PEBP4: variants seen among roughly 807,000 people sequenced by gnomAD.
PEBP4 encodes phosphatidylethanolamine binding protein 4, also known as phosphatidylethanolamine-binding protein 4.
Under a neutral mutation model 23.9 loss-of-function variants are expected in PEBP4, and 22 were observed. The ratio of observed to expected loss-of-function variants is 0.92; its 90% CI spans 0.66 to 1.31. The LOEUF is 1.31. Ranked by LOEUF, PEBP4 falls within the 40% of genes most tolerant of loss-of-function variation. The pLI is 0.00. For synonymous variants in PEBP4, 112 were observed against 99.3 expected (o/e 1.13, Z -0.76); for missense variants, 324 against 281.7 (o/e 1.15, Z -1.07).
intron 3 of PEBP4, among the ~76,000 whole-genome samples, chr8:22,879,056 A>G (rs1401446183): frequency 2.0e-5 from 3 of 152,228 alleles, no homozygotes; most frequent in African/African-American, 7.2e-5. Context: ...CCCATGGGAA[A>G]CATTTTACTA....
intron 3 of PEBP4, among the ~76,000 whole-genome samples, chr8:22,848,827 A>G (rs1428191185): frequency 6.6e-6 from 1 of 152,198 alleles, no homozygotes. Context: ...CTGCTGAGGG[A>G]GCGGAATTGT....
chr8:22,854,332 T>C (rs1341156954), intron 3 of PEBP4, among the ~76,000 whole-genome samples: 1 of 152,196 alleles, frequency 6.6e-6, no homozygotes, highest in Admixed American at 6.5e-5. Context: ...CACCAAAATA[T>C]GTATATTCAC....
chr8:22,735,507 T>C (rs997465109), intron 4 of PEBP4, among the ~76,000 whole-genome samples: 1 of 152,178 alleles, frequency 6.6e-6, no homozygotes, highest in Non-Finnish European at 1.5e-5. Flanking sequence ...TCTTCAAGAA[T>C]CTCAAGAGAA....
intron 4 of PEBP4, among the ~76,000 whole-genome samples, chr8:22,770,223 C>G (rs1310371421): frequency 2.0e-5 from 3 of 152,212 alleles, no homozygotes; most frequent in Non-Finnish European, 4.4e-5. Flanking sequence ...GGGACTGGGT[C>G]AGTGGCTTGG....
intron 3 of PEBP4, among the ~76,000 whole-genome samples, chr8:22,819,920 A>G (rs1806822400): frequency 6.6e-6 from 1 of 152,158 alleles, no homozygotes; most frequent in East Asian, 1.9e-4. Flanking sequence ...ATATTTTTTA[A>G]AGAGGGGGAT....
intron 4 of PEBP4, among the ~76,000 whole-genome samples, chr8:22,774,525 G>C (rs1805777663): frequency 6.6e-6 from 1 of 152,214 alleles, no homozygotes; most frequent in Admixed American, 6.5e-5. Flanking sequence ...GCCTGTGCCA[G>C]GCTCAATTTT....
intron 3 of PEBP4, among the ~76,000 whole-genome samples, chr8:22,836,803 A>C (rs576279195): frequency 5.3e-5 from 8 of 152,336 alleles, no homozygotes; most frequent in South Asian, 2.1e-4. Flanking sequence ...AGGCAGCAAA[A>C]ATCACTACAT....
rs139817835 is a variant in PEBP4 at position 22,799,235 on chromosome 8, C to T, written c.357+18402G>A. On this transcript the variant is annotated intron_variant, in intron 4 of 6. Transcript: ENST00000256404. Reference sequence around the variant, plus strand: ...ACATCTCTCACTTTCTGTCATTGTGCGGTAGCTTCCTGCTCTGTTTTCCTT... The same window carrying T: ...ACATCTCTCACTTTCTGTCATTGTGTGGTAGCTTCCTGCTCTGTTTTCCTT... Among the ~76,000 whole-genome samples, 1,011 of 152,296 alleles carry T rather than the reference C, an allele frequency of 6.6e-3. 7 individuals carry two copies. The highest frequency in any genetic ancestry group is 0.02 in the Middle Eastern group (6 of 294).
chr8:22,920,383 A>G lies in PEBP4; in HGVS notation c.132-73T>C, dbSNP rs1046255681. Reference sequence around the variant, plus strand: ...CCTGGGGTTCCCAAGGCTTCAGTCTAGCACTATTGGGAATGTAAAGTGAAA... The same window carrying G: ...CCTGGGGTTCCCAAGGCTTCAGTCTGGCACTATTGGGAATGTAAAGTGAAA... On this transcript the variant is annotated intron_variant, in intron 2 of 6. Transcript: ENST00000256404. 3 of 1,498,780 alleles carry G rather than the reference A, an allele frequency of 2.0e-6. No individual in the cohort carries two copies. The African/African-American group carries it at 4.1e-5, about 21-fold the overall frequency. The allele number at this position is 1,498,780 out of a possible 1,614,324, so 92.8% of individuals were successfully genotyped here. A position where few individuals can be genotyped will look rare whatever the true frequency, so the allele number is the denominator to read the frequency against.
intron 3 of PEBP4, among the ~76,000 whole-genome samples, chr8:22,847,545 G>A (rs1807463330): frequency 6.6e-6 from 1 of 152,152 alleles, no homozygotes; most frequent in Admixed American, 6.5e-5. Flanking sequence ...TCTCCTCCTT[G>A]TTAAGATGAC....
At chr8:22,925,161 T>C (rs1585160124) in intron 2 of PEBP4, 1 of 985,424 alleles carries the variant, frequency 1.0e-6, no homozygotes, top group Non-Finnish European at 1.2e-6. Context: ...AACAAAAATC[T>C]TCAGTGACAA....
intron 3 of PEBP4, among the ~76,000 whole-genome samples, chr8:22,877,120 C>T (rs973136900): frequency 1.3e-5 from 2 of 152,158 alleles, no homozygotes; most frequent in African/African-American, 4.8e-5. Flanking sequence ...TTGGTCTTTT[C>T]TTTCCTCCTC....
intron 3 of PEBP4, among the ~76,000 whole-genome samples, chr8:22,905,444 G>A (rs1178618837): frequency 6.6e-6 from 1 of 152,144 alleles, no homozygotes; most frequent in Non-Finnish European, 1.5e-5. Context: ...AGTTTCAAAT[G>A]TTGTTGTAAT....
intron 3 of PEBP4, among the ~76,000 whole-genome samples, chr8:22,827,705 GTC>G (rs1168058331): frequency 3.3e-5 from 5 of 152,200 alleles, no homozygotes; most frequent in Non-Finnish European, 7.4e-5. Context: ...TTTGCTGTAA[GTC>G]TCTGTGCAAA....
At chr8:22,730,876 G>A (rs1804715163) in intron 4 of PEBP4, among the ~76,000 whole-genome samples, 1 of 152,156 alleles carries the variant, frequency 6.6e-6, no homozygotes, top group South Asian at 2.1e-4. Flanking sequence ...AGAAATTTAA[G>A]CCCCTCCAGG....
chr8:22,737,109 C>T (rs1369403657), intron 4 of PEBP4, among the ~76,000 whole-genome samples: 1 of 152,064 alleles, frequency 6.6e-6, no homozygotes, highest in Non-Finnish European at 1.5e-5. Flanking sequence ...GCCTGGCCAA[C>T]TTGGCAAAAC....
chr8:22,817,998 A>C lies in PEBP4; in HGVS notation c.259-263T>G, dbSNP rs146461806. Among the ~76,000 whole-genome samples, 748 of 152,338 alleles carry C rather than the reference A, an allele frequency of 4.9e-3. 5 individuals carry two copies. Among genetic ancestry groups the C allele is most frequent in the African/African-American group, 0.017 (694 of 41,572 alleles). The stretch of plus-strand genomic sequence containing the variant: ...ATCCAACAAGATATACATACCAAGC[A>C]CCTGGGAAGTTCTGAGCGCTGTGCT... On this transcript the variant is annotated intron_variant, in intron 3 of 6. Coordinates refer to ENST00000256404, the MANE Select transcript of PEBP4 (RefSeq NM_144962.3).
At chr8:22,938,642 G>A (rs1809571019) in intron 1 of PEBP4, among the ~76,000 whole-genome samples, 1 of 152,116 alleles carries the variant, frequency 6.6e-6, no homozygotes, top group Non-Finnish European at 1.5e-5. Flanking sequence ...CTCGGGGATT[G>A]GGAAAGGGAG....
At chr8:22,802,924 G>C (rs920415475) in intron 4 of PEBP4, among the ~76,000 whole-genome samples, 2 of 152,278 alleles carry the variant, frequency 1.3e-5, no homozygotes, top group Admixed American at 1.3e-4. Context: ...GGGTAATAGA[G>C]ACCCACAGGG....
Sources: allele counts gnomAD v4.1 joint callset (sites outside exome capture counted in the v4.1 genomes callset), GRCh38; gene constraint gnomAD v4.1.1; transcripts MANE v1.5; gene names NCBI Gene and HGNC (gene_info 2026-07-23, HGNC 2026-07-21).